Variants in CR2 observed in about 807,000 individuals in gnomAD.
CR2 encodes the protein complement C3d receptor 2.
CR2 carries 96 observed loss-of-function variants against 123.0 expected under a neutral mutation model. The observed-to-expected ratio is 0.78, with a 90% CI of 0.66 to 0.93. The LOEUF is 0.93. CR2 is among the 40% of genes least tolerant of loss of function. The pLI, the probability that CR2 is intolerant of heterozygous loss-of-function variation, is 0.00. For missense variants in CR2, 1,258 were observed against 1,361.0 expected (o/e 0.92, Z 1.19); for synonymous variants, 484 against 469.5 (o/e 1.03, Z -0.40).
chr1:207,471,040 C>T lies in CR2; in HGVS notation c.1446C>T (p.Pro482=). ...CAGGAAGGCAACTCTTGACAAAACC[C>T]CAGCACCAATTTGTTAGACCAGATG... ...EATGRQLLTK[P]QHQFVRPDVN... The change falls in exon 8 of 20, where the codon CCC becomes CCT. Residue 482 remains proline (P), a synonymous_variant. Transcript: ENST00000367057. 6.2e-7 allele frequency: 1 copy of T among 1,613,736 alleles called. No individual in the cohort carries two copies.
Position 207,469,832 on chromosome 1 carries a change from G to A in CR2, c.955G>A (p.Gly319Arg), listed in dbSNP as rs757068612. Reference sequence around the variant, plus strand: ...GGAAGGAGTGAACTTCATCCTTATTGGAGAGAGCACTCTCCGTTGTACAGT... The same window carrying A: ...GGAAGGAGTGAACTTCATCCTTATTAGAGAGAGCACTCTCCGTTGTACAGT... ...PEEGVNFILI[G>R]ESTLRCTVDS... is the part of the protein sequence containing the mutation. The change falls in exon 6 of 20, where the codon GGA becomes AGA. Residue 319 changes from glycine (G) to arginine (R), a missense_variant. Gly to Arg is a moderately radical substitution (Grantham distance 125). Coordinates refer to ENST00000367057, the MANE Select transcript of CR2 (RefSeq NM_001006658.3). The A allele has an allele frequency of 2.2e-5, 35 of 1,613,804 alleles. No homozygotes were observed. Among genetic ancestry groups the A allele is most frequent in the Non-Finnish European group, 2.9e-5 (34 of 1,179,948 alleles).
intron 5 of CR2, among the ~76,000 whole-genome samples, 154 bp from the exon 6 acceptor site, chr1:207,469,541 C>T (rs1428383543): frequency 1.3e-5 from 2 of 152,140 alleles, no homozygotes; most frequent in Non-Finnish European, 2.9e-5. Context: ...GCTTGAGAAT[C>T]AATCTTCTAA....
At chr1:207,471,123 G>C (rs772749374) in intron 8 of CR2, 36 bp downstream of exon 8, 35 of 1,591,418 alleles carry the variant, frequency 2.2e-5, no homozygotes, top group Non-Finnish European at 2.8e-5. Flanking sequence ...CCCAATTCCG[G>C]TGTATCAGCA....
chr1:207,476,165 A>G, intron 14 of CR2, 69 bp from the exon 15 acceptor site: 2 of 1,458,630 alleles, frequency 1.4e-6, no homozygotes, highest in Non-Finnish European at 1.9e-6. Flanking sequence ...TATCGCTATC[A>G]CCCAGAGATA....
At position 207,475,324 on chromosome 1, in the gene CR2, G is replaced by A. The variant is rs939262959; in HGVS notation, c.2716+108G>A. The A allele has an allele frequency of 2.5e-5, 30 of 1,212,474 alleles. No individual in the cohort carries two copies. In the South Asian group the frequency reaches 2.9e-4, roughly 12 times the overall value. 75.1% of individuals were successfully genotyped at this position (1,212,474 alleles called of 1,614,324 possible). ...CTAAAGAAAAGCATCTAAGAGCTAA[G>A]GCAGTTATATTGTTTTACAAGATAT... On this transcript the variant is annotated intron_variant, in intron 14 of 19. Coordinates refer to ENST00000367057, the MANE Select transcript of CR2 (RefSeq NM_001006658.3).
intron 6 of CR2, among the ~76,000 whole-genome samples, 184 bp downstream of exon 6, chr1:207,470,286 T>C (rs1278587203): frequency 2.0e-5 from 3 of 152,148 alleles, no homozygotes; most frequent in African/African-American, 7.2e-5. Context: ...TTTTATTTTG[T>C]GGGAATATGC....
Position 207,478,054 on chromosome 1 carries a change from G to C in CR2, c.3072G>C (p.Leu1024=). ...CGGATCACCAATGGAACCCTCCCCT[G>C]GCGGTTTGCAGATCCCGTAAGTACC... ...CQSDHQWNPP[L]AVCRSRSLAP... The change falls in exon 16 of 20, where the codon CTG becomes CTC. Residue 1024 remains leucine, a synonymous_variant. Transcript: ENST00000367057. 2 of 1,613,810 alleles carry C rather than the reference G, an allele frequency of 1.2e-6. No individual in the cohort carries two copies. Among genetic ancestry groups the C allele is most frequent in the Non-Finnish European group, 1.7e-6 (2 of 1,179,872 alleles).
rs371167100 is a variant in CR2, at chr1:207,470,984, T to A, written c.1403-13T>A. ...GCCTTGAATTAAATTCTCATCCTAG[T>A]CTCTTTTCTTAGTGGCAGCGTGTGA... is the stretch of plus-strand genomic sequence containing the variant. On this transcript the variant is annotated splice_polypyrimidine_tract_variant and intron_variant, in intron 7 of 19. Transcript: ENST00000367057. The A allele has an allele frequency of 1.1e-5, 18 of 1,613,718 alleles. No individual in the cohort carries two copies. The highest frequency in any genetic ancestry group is 1.4e-5 in the Non-Finnish European group (17 of 1,179,830).
At chr1:207,485,443 T>G in intron 18 of CR2, 21 bp from the exon 19 acceptor site, 1 of 1,468,692 alleles carries the variant, frequency 6.8e-7, no homozygotes, top group Non-Finnish European at 9.5e-7. Flanking sequence ...ATATTACATT[T>G]TTCTTTCTTC....
chr1:207,479,357 C>T, intron 17 of CR2, 77 bp downstream of exon 17: 1 of 991,296 alleles, frequency 1.0e-6, no homozygotes, highest in Non-Finnish European at 1.6e-6. Context: ...GTCCTATATC[C>T]TATCTGATGA....
chr1:207,466,515 C>T lies in CR2; in HGVS notation c.59-11C>T, dbSNP rs1658101683. On this transcript the variant is annotated splice_polypyrimidine_tract_variant and intron_variant, in intron 1 of 19. Coordinates refer to ENST00000367057, the MANE Select transcript of CR2 (RefSeq NM_001006658.3). ...TCAGTATGCCTACCAAGTTCCTTTT[C>T]TACTTTTCAGGGATTTCTTGTGGCT... is the stretch of plus-strand genomic sequence containing the variant. The T allele has an allele frequency of 6.2e-7, 1 of 1,613,930 alleles. No homozygotes were observed. Among genetic ancestry groups the T allele is most frequent in the Non-Finnish European group, 8.5e-7 (1 of 1,179,904 alleles).
rs765852435 is a variant in CR2 at position 207,469,204 on chromosome 1, T to C, written c.789T>C (p.Val263=). ...SSRCVIAGQG[V]AWTKMPVCEE... ...GGTGTGTAATTGCTGGACAGGGAGTTGCTTGGACCAAAATGCCAGTATGTG... is the reference window on the plus strand; with the variant it reads ...GGTGTGTAATTGCTGGACAGGGAGTCGCTTGGACCAAAATGCCAGTATGTG... Residue 263 remains valine, a synonymous_variant, in exon 5 of 20, where the codon GTT becomes GTC. Coordinates refer to ENST00000367057, the MANE Select transcript of CR2 (RefSeq NM_001006658.3). The C allele has an allele frequency of 3.1e-6, 5 of 1,613,930 alleles. No individual in the cohort carries two copies. The East Asian group carries it at 1.1e-4, about 36-fold the overall frequency.
rs114086865 is a variant in CR2, at chr1:207,477,362, A to G, written c.2903-523A>G. Among the ~76,000 whole-genome samples, 501 of 152,238 alleles carry G rather than the reference A, an allele frequency of 3.3e-3. 1 individual carries two copies. The highest frequency in any genetic ancestry group is 0.012 in the African/African-American group (485 of 41,528). Reference sequence around the variant, plus strand: ...CAACACAGGAAACCCCACCCCCATGATCCAATGACCTCTCACCAGGTCCCT... The same window carrying G: ...CAACACAGGAAACCCCACCCCCATGGTCCAATGACCTCTCACCAGGTCCCT... On this transcript the variant is annotated intron_variant, in intron 15 of 19. Transcript: ENST00000367057.
intron 17 of CR2, 114 bp downstream of exon 17, chr1:207,479,394 C>G (rs1658537604): frequency 1.3e-6 from 1 of 761,636 alleles, no homozygotes; most frequent in Admixed American, 2.2e-5. Flanking sequence ...GGAATGTTCT[C>G]TTTTTGGTGT....
chr1:207,471,231 A>T, intron 8 of CR2, 144 bp downstream of exon 8: 1 of 944,146 alleles, frequency 1.1e-6, no homozygotes. Flanking sequence ...ATGGTCATGG[A>T]AGTGTCTATC....
intron 8 of CR2, 44 bp from the exon 9 acceptor site, chr1:207,471,379 A>AT (rs1558191829): frequency 6.9e-7 from 1 of 1,457,070 alleles, no homozygotes; most frequent in Non-Finnish European, 9.6e-7. Context: ...GCCTAACTTA[A>AT]TGGTCACCTG....
intron 16 of CR2, among the ~76,000 whole-genome samples, chr1:207,478,544 AAAAG>A (rs1336011216): frequency 7.6e-4 from 111 of 145,962 alleles, no homozygotes; most frequent in Middle Eastern, 3.5e-3. Flanking sequence ...AAAAAAAAAA[AAAAG>A]AAAGAAAGAA....
At position 207,473,569 on chromosome 1, in the gene CR2, A is replaced by G; in HGVS notation, c.2003A>G (p.His668Arg). 1 of 1,613,876 alleles carries G rather than the reference A, an allele frequency of 6.2e-7. No homozygotes were observed. Among genetic ancestry groups the G allele is most frequent in the Non-Finnish European group, 8.5e-7 (1 of 1,179,828 alleles). Residue 668 changes from histidine (H) to arginine (R), a missense_variant, in exon 11 of 20, where the codon CAC becomes CGC. Transcript: ENST00000367057. ...EKGCQSPPGLHHGRHTGGNTV... is the reference protein window; with the variant it reads ...EKGCQSPPGLRHGRHTGGNTV... ...GGCTGCCAGTCACCTCCTGGGCTCC[A>G]CCATGGTCGTCATACAGGTGGAAAT...
chr1:207,475,326 C>A, intron 14 of CR2, 110 bp downstream of exon 14: 1 of 1,191,730 alleles, frequency 8.4e-7, no homozygotes, highest in South Asian at 1.4e-5. Context: ...AGAGCTAAGG[C>A]AGTTATATTG....
Sources: gnomAD v4.1 joint callset for allele counts (sites outside exome capture counted in the v4.1 genomes callset) on GRCh38, gnomAD v4.1.1 for gene constraint, MANE v1.5 for transcripts, NCBI Gene and HGNC (gene_info 2026-07-23, HGNC 2026-07-21) for gene names.